Variants in RTBDN observed in about 807,000 individuals in gnomAD.
The protein encoded by RTBDN is retbindin.
In RTBDN, 24 loss-of-function variants were observed where a neutral mutation model predicts 21.9. The observed-to-expected ratio is 1.10, with a 90% confidence interval of 0.79 to 1.54. The LOEUF (loss-of-function observed/expected upper bound fraction) is 1.54, where lower values mean the gene tolerates loss of function less well. RTBDN is among the 40% of genes most tolerant of loss of function. RTBDN has a pLI of 0.00. For missense variants in RTBDN, 325 were observed against 315.2 expected (o/e 1.03, Z -0.23); for synonymous variants, 141 against 125.9 (o/e 1.12, Z -0.80).
In RTBDN at chr19:12,830,579, C is replaced by T; in HGVS notation, c.-18-582G>A. The T allele has an allele frequency of 1.0e-6, 1 of 985,512 alleles. No individual in the cohort carries two copies. The highest frequency in any genetic ancestry group is 1.2e-6 in the Non-Finnish European group (1 of 829,982). 61.0% of individuals were successfully genotyped at this position (985,512 alleles called of 1,614,324 possible). ...TAGCGGTCTGTGGAGACAAGACTGT[C>T]CCCTTCCCGCCTCCCCGCATTCAGC... is the stretch of plus-strand genomic sequence containing the variant. On this transcript the variant is annotated intron_variant, in intron 1 of 5. Coordinates refer to ENST00000674343, the MANE Select transcript of RTBDN (RefSeq NM_001270441.2). The surrounding 1 kb of genome is among the most constrained non-coding windows in gnomAD (Gnocchi z 4.2).
Position 12,830,121 on chromosome 19 carries a change from G to A in RTBDN, c.-18-124C>T, listed in dbSNP as rs935250533. On this transcript the variant is annotated intron_variant, in intron 1 of 5. Transcript: ENST00000674343. This position sits in a 1 kb window ranked among gnomAD's most constrained non-coding sequence, Gnocchi z 4.2. Reference sequence around the variant, plus strand: ...AAAGTGCAGCTGAGGAGGAGGCTGGGGCAGTGGCCAAGGACGTTCAAATCC... The same window carrying A: ...AAAGTGCAGCTGAGGAGGAGGCTGGAGCAGTGGCCAAGGACGTTCAAATCC... The A allele has an allele frequency of 8.4e-6, 11 of 1,315,662 alleles. No individual in the cohort carries two copies. Among genetic ancestry groups the A allele is most frequent in the Non-Finnish European group, 8.2e-6 (8 of 977,428 alleles). The allele number at this position is 1,315,662 out of a possible 1,614,324, so 81.5% of individuals were successfully genotyped here.
At chr19:12,834,781 C>T (rs747968586), upstream of RTBDN, 5 of 1,614,002 alleles carry the variant, frequency 3.1e-6, no homozygotes, top group Admixed American at 8.3e-5. This position sits in a 1 kb window ranked among gnomAD's most constrained non-coding sequence, Gnocchi z 4.7. Context: ...TCAGGAGCTC[C>T]TACCTCCAAG....
rs765818840 is a variant in RTBDN, at chr19:12,829,957, C to T, written c.23G>A (p.Arg8Gln). 17 of 1,612,856 alleles carry T rather than the reference C, an allele frequency of 1.1e-5. No individual in the cohort carries two copies. Among genetic ancestry groups the T allele is most frequent in the African/African-American group, 2.7e-5 (2 of 74,902 alleles). The stretch of plus-strand genomic sequence containing the variant: ...CAGCACCCACGTCAGGCCGATGGGT[C>T]GCATGTGGACCCTGCAGTCCATGTC... MDCRVHM[R>Q]PIGLTWVLQL... Residue 8 changes from arginine (R) to glutamine (Q), a missense_variant, in exon 2 of 6, where the codon CGA becomes CAA. Transcript: ENST00000674343.
chr19:12,825,833 G>C lies in RTBDN; in HGVS notation c.563C>G (p.Ala188Gly). The change falls in exon 6 of 6, where the codon GCG becomes GGG. Residue 188 changes from alanine to glycine, a missense_variant. Physicochemically the swap from Ala to Gly is moderately conservative, Grantham distance 60. Transcript: ENST00000674343. ...TCGTCCTGGTCTGGGACGAGGTACCGCGGAGATGGAGATGTTGAAGCAGTG... is the reference window on the plus strand; with the variant it reads ...TCGTCCTGGTCTGGGACGAGGTACCCCGGAGATGGAGATGTTGAAGCAGTG... Reference protein sequence around the residue: ...ARHCFNISISAVPRPRPGRRG... With the variant: ...ARHCFNISISGVPRPRPGRRG... 3.1e-6 allele frequency: 5 copies of C among 1,613,536 alleles called. No individual in the cohort carries two copies. The highest frequency in any genetic ancestry group is 2.5e-6 in the Non-Finnish European group (3 of 1,179,860).
chr19:12,834,285 TG>T lies in RTBDN; in HGVS notation c.-19+203del, dbSNP rs1969680484. Among the ~76,000 whole-genome samples, 1 of 152,062 alleles carries T rather than the reference TG, an allele frequency of 6.6e-6. No individual in the cohort carries two copies. Among genetic ancestry groups the T allele is most frequent in the Non-Finnish European group, 1.5e-5 (1 of 67,940 alleles). Reference sequence around the variant, plus strand: ...GGGCGCCTGGCCCGCCCTAGGGGGATGGGGCTGGGGCCGAAGTCATCGCCCT... The same window carrying T: ...GGGCGCCTGGCCCGCCCTAGGGGGATGGGCTGGGGCCGAAGTCATCGCCCT... On this transcript the variant is annotated intron_variant, in intron 1 of 5. Coordinates refer to ENST00000674343, the MANE Select transcript of RTBDN (RefSeq NM_001270441.2). The surrounding 1 kb of genome is among the most constrained non-coding windows in gnomAD (Gnocchi z 4.7).
chr19:12,827,009 C>T (rs757022033), intron 4 of RTBDN, 138 bp from the exon 5 acceptor site: 17 of 646,758 alleles, frequency 2.6e-5, no homozygotes, highest in South Asian at 6.8e-5. Flanking sequence ...CCCCTGCTAA[C>T]TAACCCCATC....
upstream of RTBDN, chr19:12,835,281 GA>G: frequency 3.1e-6 from 2 of 637,014 alleles, no homozygotes; most frequent in Non-Finnish European, 5.7e-6. Flanking sequence ...CCGATCTCCG[GA>G]GCCTAGGCCT....
At chr19:12,834,675 G>C, upstream of RTBDN, 2 of 1,546,316 alleles carry the variant, frequency 1.3e-6, no homozygotes, top group South Asian at 1.1e-5. This position sits in a 1 kb window ranked among gnomAD's most constrained non-coding sequence, Gnocchi z 4.7. Flanking sequence ...TGCTGGTCTC[G>C]AGGCTGCGCA....
At chr19:12,827,042 A>T (rs1318165586) in intron 4 of RTBDN, 171 bp from the exon 5 acceptor site, 1 of 615,594 alleles carries the variant, frequency 1.6e-6, no homozygotes. Context: ...ACCCTGCCCC[A>T]TATTCTATCA....
intron 1 of RTBDN, among the ~76,000 whole-genome samples, chr19:12,832,134 G>T (rs1474848991): frequency 6.6e-6 from 1 of 152,152 alleles, no homozygotes; most frequent in South Asian, 2.1e-4. Flanking sequence ...TGTGTTTGTG[G>T]AGTATATGTT....
At chr19:12,826,662 C>T in intron 5 of RTBDN, 113 bp downstream of exon 5, 1 of 868,906 alleles carries the variant, frequency 1.2e-6, no homozygotes, top group Admixed American at 2.3e-5. Flanking sequence ...CCACTGCACT[C>T]CAGCCTGGGT....
chr19:12,828,825 A>T (rs1321587869), intron 3 of RTBDN, 44 bp downstream of exon 3: 1 of 1,613,962 alleles, frequency 6.2e-7, no homozygotes, highest in South Asian at 1.1e-5. Context: ...TTCCTGGGCA[A>T]TGGGCAAAGT....
intron 1 of RTBDN, among the ~76,000 whole-genome samples, chr19:12,831,628 C>T (rs1480594361): frequency 6.6e-6 from 1 of 152,160 alleles, no homozygotes; most frequent in Admixed American, 6.6e-5. Flanking sequence ...ATAGTTTGAA[C>T]CTGGGAAGCA....
chr19:12,825,835 G>A lies in RTBDN; in HGVS notation c.561C>T (p.Ser187=), dbSNP rs1568393887. 6.2e-7 allele frequency: 1 copy of A among 1,613,568 alleles called. No homozygotes were observed. Among genetic ancestry groups the A allele is most frequent in the Admixed American group, 1.7e-5 (1 of 59,976 alleles). The change falls in exon 6 of 6, where the codon TCC becomes TCT. Residue 187 remains serine (S), a synonymous_variant. Coordinates refer to ENST00000674343, the MANE Select transcript of RTBDN (RefSeq NM_001270441.2). ...GTCCTGGTCTGGGACGAGGTACCGC[G>A]GAGATGGAGATGTTGAAGCAGTGAC... ...GARHCFNISI[S]AVPRPRPGRR...
At position 12,829,931 on chromosome 19, in the gene RTBDN, G is replaced by A. The variant is rs995095411; in HGVS notation, c.49C>T (p.Gln17Ter). 2 of 1,614,166 alleles carry A rather than the reference G, an allele frequency of 1.2e-6. No homozygotes were observed. Among genetic ancestry groups the A allele is most frequent in the Non-Finnish European group, 1.7e-6 (2 of 1,180,004 alleles). Residue 17 changes from glutamine to a stop codon, truncating the protein, a stop_gained, in exon 2 of 6, where the codon CAA becomes TAA. Coordinates refer to ENST00000674343, the MANE Select transcript of RTBDN (RefSeq NM_001270441.2). LOFTEE classifies it high-confidence loss of function. ...MRPIGLTWVL[Q>*]LTLAWILLEA... The stretch of plus-strand genomic sequence containing the variant: ...AGCAGGATCCATGCCAAGGTCAGTT[G>A]CAGCACCCACGTCAGGCCGATGGGT...
chr19:12,831,304 G>T (rs775579789), intron 1 of RTBDN, among the ~76,000 whole-genome samples: 7 of 152,172 alleles, frequency 4.6e-5, no homozygotes, highest in Non-Finnish European at 8.8e-5. Flanking sequence ...AAGTTTCTGT[G>T]AATGTGTGTT....
At position 12,825,482 on chromosome 19, in the gene RTBDN, T is replaced by C; in HGVS notation, c.*224A>G. 1.5e-6 allele frequency: 1 copy of C among 653,926 alleles called. No homozygotes were observed. The highest frequency in any genetic ancestry group is 2.5e-6 in the Non-Finnish European group (1 of 398,132). The allele number at this position is 653,926 out of a possible 1,614,324, so 40.5% of individuals were successfully genotyped here. ...CCAAGAAGCAGCCACACTCGTCACG[T>C]GCTCTAGCTGGCGACTTTATTCAAA... On this transcript the variant is annotated 3_prime_UTR_variant, in exon 6 of 6. Transcript: ENST00000674343.
intron 5 of RTBDN, 148 bp from the exon 6 acceptor site, chr19:12,826,081 TG>T: frequency 7.2e-7 from 1 of 1,397,778 alleles, no homozygotes; most frequent in Non-Finnish European, 9.3e-7. Context: ...GGAACGTGAG[TG>T]GGGGCAGGTC....
rs1338242908 is a variant in RTBDN, at chr19:12,829,821, C to A, written c.159G>T (p.Leu53=). The A allele has an allele frequency of 6.2e-7, 1 of 1,610,544 alleles. No homozygotes were observed. Among genetic ancestry groups the A allele is most frequent in the East Asian group, 2.2e-5 (1 of 44,760 alleles). The change falls in exon 2 of 6, where the codon CTG becomes CTT. Residue 53 remains leucine (L), a synonymous_variant. Coordinates refer to ENST00000674343, the MANE Select transcript of RTBDN (RefSeq NM_001270441.2). ...GTCTGGGGTGCTCACCTGCCAGGTGCAGCTTGCCTTTGCCCAGATCAGCTG... is the reference window on the plus strand; with the variant it reads ...GTCTGGGGTGCTCACCTGCCAGGTGAAGCTTGCCTTTGCCCAGATCAGCTG... ...GLAADLGKGK[L]HLAGPCCPSE...
Sources: allele counts gnomAD v4.1 joint callset (sites outside exome capture counted in the v4.1 genomes callset), GRCh38; gene constraint gnomAD v4.1.1; non-coding constraint Gnocchi (gnomAD v3.1); transcripts MANE v1.5; gene names NCBI Gene and HGNC (gene_info 2026-07-23, HGNC 2026-07-21).